The following SLC9C1 variants were observed in gnomAD, a reference collection of about 807,000 sequenced individuals.
SLC9C1 encodes the protein solute carrier family 9 member C1, also known as sodium/hydrogen exchanger 10.
SLC9C1 carries 97 observed loss-of-function variants against 140.9 expected under a neutral mutation model. That is an observed-to-expected ratio of 0.69 (90% confidence interval 0.58 to 0.82). The LOEUF (loss-of-function observed/expected upper bound fraction) is 0.82. SLC9C1 is among the 40% of genes least tolerant of loss of function. The pLI, the probability that SLC9C1 is intolerant of heterozygous loss-of-function variation, is 0.00. For missense variants in SLC9C1, 1,340 were observed against 1,389.3 expected (o/e 0.96, Z 0.56); for synonymous variants, 440 against 442.6 (o/e 0.99, Z 0.07).
Position 112,221,302 on chromosome 3 carries a change from G to A in SLC9C1, c.1573-77C>T, listed in dbSNP as rs1443970448. ...TTATTACAATCTTGATGGGAAAAAT[G>A]TGTGATAAAGAAGTAAAAACAATCA... On this transcript the variant is annotated intron_variant, in intron 13 of 28. Coordinates refer to ENST00000305815, the MANE Select transcript of SLC9C1 (RefSeq NM_183061.3). 7.4e-6 allele frequency: 9 copies of A among 1,215,306 alleles called. No individual in the cohort carries two copies. In the African/African-American group the frequency reaches 1.4e-4, roughly 18 times the overall value. 75.3% of individuals were successfully genotyped at this position (1,215,306 alleles called of 1,614,324 possible).
At chr3:112,185,336 G>T in intron 20 of SLC9C1, 2 of 627,616 alleles carry the variant, frequency 3.2e-6, no homozygotes, top group Non-Finnish European at 5.5e-6. Context: ...GAAAAAAGTC[G>T]TGTAAAAAAA....
At chr3:112,282,606 T>C (rs2080388761) in intron 2 of SLC9C1, among the ~76,000 whole-genome samples, 1 of 152,152 alleles carries the variant, frequency 6.6e-6, no homozygotes, top group African/African-American at 2.4e-5. Flanking sequence ...ACCTTCTCAC[T>C]TTTTTGTCCT....
intron 1 of SLC9C1, among the ~76,000 whole-genome samples, chr3:112,288,184 C>A (rs905472499): frequency 6.6e-6 from 1 of 150,610 alleles, no homozygotes; most frequent in Non-Finnish European, 1.5e-5. Context: ...TTTCTTATGT[C>A]TTCCTTTTTA....
chr3:112,205,317 A>G (rs2078017291), intron 16 of SLC9C1, among the ~76,000 whole-genome samples: 1 of 152,062 alleles, frequency 6.6e-6, no homozygotes, highest in African/African-American at 2.4e-5. Flanking sequence ...TTCAAAGACA[A>G]TAAAATACCT....
At chr3:112,279,033 T>G in intron 3 of SLC9C1, 176 bp from the exon 4 acceptor site, 1 of 519,670 alleles carries the variant, frequency 1.9e-6, no homozygotes, top group Admixed American at 4.1e-5. Context: ...CCATGGCTTA[T>G]GTAGAAGATA....
intron 15 of SLC9C1, among the ~76,000 whole-genome samples, chr3:112,210,842 C>A (rs980019752): frequency 2.6e-5 from 4 of 151,750 alleles, no homozygotes; most frequent in Non-Finnish European, 5.9e-5. Context: ...AGCTTTAAAT[C>A]AATTGTAAAG....
intron 2 of SLC9C1, among the ~76,000 whole-genome samples, chr3:112,285,548 T>A (rs967113773): frequency 1.3e-5 from 2 of 152,084 alleles, no homozygotes. Flanking sequence ...GCCAGGAGAG[T>A]TTTTAATCTA....
chr3:112,160,955 T>C (rs997831449), intron 26 of SLC9C1, among the ~76,000 whole-genome samples: 33 of 152,238 alleles, frequency 2.2e-4, no homozygotes, highest in Middle Eastern at 3.4e-3. Flanking sequence ...TTTTAATGAT[T>C]GCCATTCTAA....
At chr3:112,162,251 C>A (rs534815195) in intron 26 of SLC9C1, among the ~76,000 whole-genome samples, 14 of 152,164 alleles carry the variant, frequency 9.2e-5, no homozygotes, top group African/African-American at 1.9e-4. Context: ...TCCTAATTGA[C>A]TACCCTTTAT....
chr3:112,154,952 C>G, intron 27 of SLC9C1, 45 bp downstream of exon 27: 1 of 1,563,192 alleles, frequency 6.4e-7, no homozygotes, highest in Non-Finnish European at 8.7e-7. Context: ...TCTAGACTCT[C>G]TTTTACCCAA....
rs560235771 is a variant in SLC9C1, at chr3:112,286,730, G to A, written c.62C>T (p.Thr21Ile). The A allele has an allele frequency of 1.3e-5, 21 of 1,612,834 alleles. No homozygotes were observed. In the South Asian group the frequency reaches 2.3e-4, roughly 18 times the overall value. ...STEDLPEVIL[T>I]LSLISSIGAF... The stretch of plus-strand genomic sequence containing the variant: ...TCCAATGGAGCTGATCAAAGACAAT[G>A]TTAGAATGACTTCAGGGAGGTCCTC... Residue 21 changes from threonine to isoleucine, a missense_variant, in exon 2 of 29, where the codon ACA becomes ATA. Thr to Ile is a moderately conservative substitution (Grantham distance 89). Transcript: ENST00000305815.
intron 17 of SLC9C1, 100 bp from the exon 18 acceptor site, chr3:112,202,499 G>A (rs1012231331): frequency 7.1e-5 from 85 of 1,189,098 alleles, no homozygotes; most frequent in Middle Eastern, 3.0e-4. Context: ...GAAATTAAGT[G>A]CCCTCAAAGG....
At chr3:112,293,782 G>A (rs1398333633) in intron 1 of SLC9C1, among the ~76,000 whole-genome samples, 3 of 152,118 alleles carry the variant, frequency 2.0e-5, no homozygotes, top group Non-Finnish European at 4.4e-5. Flanking sequence ...CCCTAGGGCT[G>A]GACTTTTCAG....
intron 10 of SLC9C1, among the ~76,000 whole-genome samples, chr3:112,252,593 T>A (rs1369301885): frequency 6.6e-6 from 1 of 152,078 alleles, no homozygotes; most frequent in South Asian, 2.1e-4. Flanking sequence ...ATATCCTGAT[T>A]GGGGTCTCCA....
intron 5 of SLC9C1, among the ~76,000 whole-genome samples, chr3:112,276,912 G>T (rs2080229514): frequency 6.6e-6 from 1 of 152,020 alleles, no homozygotes; most frequent in Non-Finnish European, 1.5e-5. Flanking sequence ...CACTTGATGT[G>T]TCTCCCCTAC....
At position 112,167,300 on chromosome 3, in the gene SLC9C1, C is replaced by T. The variant is rs149430205; in HGVS notation, c.3285G>A (p.Pro1095=). 3.2e-4 allele frequency: 511 copies of T among 1,607,156 alleles called. 3 individuals carry two copies. In the South Asian group the frequency reaches 4.3e-3, roughly 14 times the overall value. Residue 1095 remains proline, a synonymous_variant, in exon 26 of 29, where the codon CCG becomes CCA. Transcript: ENST00000305815. ...TCCTTCTGAATGTTTTCATGTTAATCGGAGTTTGAATAATCACTACTTTTG... is the reference window on the plus strand; with the variant it reads ...TCCTTCTGAATGTTTTCATGTTAATTGGAGTTTGAATAATCACTACTTTTG... ...DFTKVVIIQT[P]INMKTFRRNI... is the part of the protein sequence containing the mutation.
intron 12 of SLC9C1, 22 bp downstream of exon 12, chr3:112,239,818 A>T: frequency 5.7e-6 from 9 of 1,583,528 alleles, no homozygotes; most frequent in Non-Finnish European, 7.7e-6. Flanking sequence ...TTAAAGCAAT[A>T]AAAAAGATAT....
At chr3:112,198,896 A>G (rs1016109729) in intron 20 of SLC9C1, among the ~76,000 whole-genome samples, 2 of 151,800 alleles carry the variant, frequency 1.3e-5, no homozygotes, top group African/African-American at 4.8e-5. Context: ...TCTATCCTTT[A>G]TATGTCATAG....
At position 112,239,997 on chromosome 3, in the gene SLC9C1, T is replaced by C. The variant is rs1251415192; in HGVS notation, c.1289A>G (p.Asp430Gly). The change falls in exon 12 of 29, where the codon GAT becomes GGT. Residue 430 changes from aspartate to glycine, a missense_variant. Coordinates refer to ENST00000305815, the MANE Select transcript of SLC9C1 (RefSeq NM_183061.3). ...PVAVTILGLR[D>G]ATSTKYKSVC... is the part of the protein sequence containing the mutation. ...CGATTTATATTTTGTTGATGTGGCA[T>C]CACGAAGACCTTTGATACAAACACA... 2 of 1,610,802 alleles carry C rather than the reference T, an allele frequency of 1.2e-6. No individual in the cohort carries two copies. The highest frequency in any genetic ancestry group is 1.7e-6 in the Non-Finnish European group (2 of 1,178,496).
Sources: gnomAD v4.1 joint callset for allele counts (sites outside exome capture counted in the v4.1 genomes callset) on GRCh38, gnomAD v4.1.1 for gene constraint, MANE v1.5 for transcripts, NCBI Gene and HGNC (gene_info 2026-07-23, HGNC 2026-07-21) for gene names.